XKR9: variants seen among roughly 807,000 people sequenced by gnomAD.
XKR9 encodes the protein XK related 9, also known as XK-related protein 9.
A neutral mutation model predicts 32.0 loss-of-function variants in XKR9; 32 were observed. That is an observed-to-expected ratio of 1.00 (90% CI 0.76 to 1.34). The LOEUF (loss-of-function observed/expected upper bound fraction) is 1.34, where lower values mean the gene tolerates loss of function less well. Ranked by LOEUF, XKR9 falls within the 40% of genes most tolerant of loss-of-function variation. XKR9 has a pLI of 0.00. For missense variants in XKR9, 546 were observed against 429.7 expected (o/e 1.27, Z -2.39); for synonymous variants, 168 against 143.4 (o/e 1.17, Z -1.22).
chr8:70,736,368 C>T (rs1482072866), downstream of XKR9, among the ~76,000 whole-genome samples: 3 of 151,882 alleles, frequency 2.0e-5, no homozygotes, highest in African/African-American at 7.3e-5. Flanking sequence ...TGGATATTAG[C>T]CCTTTGTCAG....
intron 2 of XKR9, among the ~76,000 whole-genome samples, chr8:70,752,941 A>G (rs1186788779): frequency 6.6e-6 from 1 of 152,250 alleles, no homozygotes; most frequent in African/African-American, 2.4e-5. Context: ...GGAAATAGAG[A>G]CACAAAAAAC....
chr8:70,795,736 A>C, the XKR9 span, among the ~76,000 whole-genome samples: 1 of 151,998 alleles, frequency 6.6e-6, no homozygotes, highest in Non-Finnish European at 1.5e-5. Context: ...ATGATCACTG[A>C]TGTTGAGTTT....
the XKR9 span, among the ~76,000 whole-genome samples, chr8:70,810,824 T>C: frequency 6.6e-6 from 1 of 152,024 alleles, no homozygotes; most frequent in Non-Finnish European, 1.5e-5. Context: ...GACTTAGACT[T>C]CCACACAATA....
chr8:70,751,945 C>G (rs755065489), intron 2 of XKR9, among the ~76,000 whole-genome samples: 2 of 152,162 alleles, frequency 1.3e-5, no homozygotes, highest in Middle Eastern at 3.2e-3. Flanking sequence ...TAATGAAGCC[C>G]GTCTCATGTA....
the XKR9 span, among the ~76,000 whole-genome samples, chr8:71,049,750 A>T: frequency 2.5e-3 from 377 of 152,306 alleles, 2 homozygotes; most frequent in African/African-American, 8.5e-3. Context: ...AGGTCAGAAG[A>T]GCCTCGTTTA....
the XKR9 span, among the ~76,000 whole-genome samples, chr8:70,878,443 T>A: frequency 6.6e-6 from 1 of 151,366 alleles, no homozygotes. Flanking sequence ...AGGCTCAAAA[T>A]AAAGGGGTGG....
downstream of XKR9, among the ~76,000 whole-genome samples, chr8:70,736,376 C>G (rs1039446783): frequency 2.2e-4 from 34 of 152,100 alleles, no homozygotes; most frequent in Middle Eastern, 3.4e-3. Flanking sequence ...AGCCCTTTGT[C>G]AGATGAGTAG....
chr8:71,027,502 A>G, the XKR9 span, among the ~76,000 whole-genome samples: 1 of 149,618 alleles, frequency 6.7e-6, no homozygotes, highest in East Asian at 1.9e-4. Context: ...GTGTGTGTAT[A>G]TATATATATG....
the XKR9 span, among the ~76,000 whole-genome samples, chr8:70,920,507 C>A: frequency 1.3e-5 from 2 of 151,292 alleles, no homozygotes; most frequent in African/African-American, 4.9e-5. Context: ...TGAAAAAGAC[C>A]ATTAGTTGAA....
the XKR9 span, among the ~76,000 whole-genome samples, chr8:70,879,448 A>G: frequency 3.9e-5 from 6 of 152,198 alleles, no homozygotes; most frequent in African/African-American, 1.2e-4. Flanking sequence ...AGAATCAAAT[A>G]GACAAAATAA....
At chr8:70,881,371 C>G in the XKR9 span, among the ~76,000 whole-genome samples, 1 of 152,084 alleles carries the variant, frequency 6.6e-6, no homozygotes, top group African/African-American at 2.4e-5. Context: ...ATCTACCCAT[C>G]TGATGAAGGG....
At chr8:70,749,376 C>A (rs1038898439) in intron 2 of XKR9, among the ~76,000 whole-genome samples, 2 of 152,252 alleles carry the variant, frequency 1.3e-5, no homozygotes, top group African/African-American at 4.8e-5. Flanking sequence ...CAAGCCAGGG[C>A]TGTGAACATA....
At chr8:70,730,961 A>T (rs1402065481) in intron 4 of XKR9, among the ~76,000 whole-genome samples, 1 of 152,204 alleles carries the variant, frequency 6.6e-6, no homozygotes, top group South Asian at 2.1e-4. Flanking sequence ...ACATGGTCAC[A>T]AAGTTAAGCT....
chr8:70,786,743 G>T lies in XKR9; in HGVS notation n.353-2596G>T, dbSNP rs1311623089. On this transcript the variant is annotated intron_variant and non_coding_transcript_variant, in intron 2 of 3. Coordinates refer to the XKR9 transcript ENST00000520273. Reference sequence around the variant, plus strand: ...AGTGACTTTGTGTCTTTTTATGGGAGAATTTAATCCATTTACATTCAGGGA... The same window carrying T: ...AGTGACTTTGTGTCTTTTTATGGGATAATTTAATCCATTTACATTCAGGGA... Among the ~76,000 whole-genome samples, 5 of 152,106 alleles carry T rather than the reference G, an allele frequency of 3.3e-5. No homozygotes were observed. In the South Asian group the frequency reaches 8.3e-4, roughly 25 times the overall value.
intron 2 of XKR9, among the ~76,000 whole-genome samples, chr8:70,680,403 T>C (rs1201071354): frequency 2.0e-5 from 3 of 152,172 alleles, no homozygotes; most frequent in African/African-American, 7.2e-5. Flanking sequence ...CAAAAGCATA[T>C]TAAGAATTTT....
the XKR9 span, among the ~76,000 whole-genome samples, chr8:70,943,452 AGG>A: frequency 6.6e-6 from 1 of 152,218 alleles, no homozygotes; most frequent in African/African-American, 2.4e-5. Context: ...TCAAAAATTA[AGG>A]GAAAACTGGG....
chr8:70,961,795 T>C, the XKR9 span, among the ~76,000 whole-genome samples: 1 of 152,108 alleles, frequency 6.6e-6, no homozygotes, highest in African/African-American at 2.4e-5. Context: ...CAGGATTTTT[T>C]TTCCTCTAAT....
intron 2 of XKR9, among the ~76,000 whole-genome samples, chr8:70,753,144 C>G (rs1308175319): frequency 1.3e-5 from 2 of 152,234 alleles, no homozygotes; most frequent in Admixed American, 1.3e-4. Context: ...CACCTCTACA[C>G]AAATAAACTA....
chr8:70,967,930 G>A, the XKR9 span, among the ~76,000 whole-genome samples: 3 of 152,076 alleles, frequency 2.0e-5, no homozygotes, highest in South Asian at 2.1e-4. Context: ...TGATCTTCTC[G>A]TGGAGTATAT....
Sources: allele counts gnomAD v4.1 joint callset (sites outside exome capture counted in the v4.1 genomes callset), GRCh38; gene constraint gnomAD v4.1.1; transcripts MANE v1.5; gene names NCBI Gene and HGNC (gene_info 2026-07-23, HGNC 2026-07-21).